TSHZ2: variants seen among roughly 807,000 people sequenced by gnomAD.
TSHZ2 encodes the protein teashirt zinc finger homeobox 2.
A neutral mutation model predicts 74.4 loss-of-function variants in TSHZ2; 21 were observed. The ratio of observed to expected loss-of-function variants is 0.28; its 90% CI spans 0.20 to 0.41. The LOEUF is 0.41. Among genes scored for constraint, TSHZ2 ranks in the 10% least tolerant of loss-of-function variants. The probability of loss-of-function intolerance (pLI) is 1.00; values close to 1 mark genes in which losing one functional copy is unlikely to be tolerated. For missense variants in TSHZ2, 1,244 were observed against 1,293.5 expected, an observed-to-expected ratio of 0.96 and a Z score of 0.59; for synonymous variants, 540 against 515.3, an observed-to-expected ratio of 1.05 and a Z score of -0.65.
At chr20:53,269,811 AAG>A (rs1990797179) in intron 2 of TSHZ2, among the ~76,000 whole-genome samples, 2 of 152,026 alleles carry the variant, frequency 1.3e-5, no homozygotes, top group African/African-American at 2.4e-5. Flanking sequence ...AAAAAAAGAA[AAG>A]AAAATCCATG....
chr20:53,075,644 A>C (rs1985342738), intron 1 of TSHZ2, among the ~76,000 whole-genome samples: 1 of 152,236 alleles, frequency 6.6e-6, no homozygotes, highest in African/African-American at 2.4e-5. Context: ...GTGAGAACTA[A>C]ACAAGGCAGA....
At chr20:53,385,322 G>T (rs1982005841) in intron 2 of TSHZ2, among the ~76,000 whole-genome samples, 1 of 151,908 alleles carries the variant, frequency 6.6e-6, no homozygotes, top group Admixed American at 6.6e-5. Flanking sequence ...CAGTTTCTCA[G>T]AATTGGAAAA....
chr20:53,106,740 C>A (rs1431635767), intron 1 of TSHZ2, among the ~76,000 whole-genome samples: 1 of 147,288 alleles, frequency 6.8e-6, no homozygotes, highest in Admixed American at 6.8e-5. Context: ...CTCTGTGGCC[C>A]AGGCTAGGGT....
chr20:52,975,175 A>G (rs1486596091), intron 1 of TSHZ2, among the ~76,000 whole-genome samples: 1 of 152,164 alleles, frequency 6.6e-6, no homozygotes, highest in Non-Finnish European at 1.5e-5. Context: ...TATTAGAGAT[A>G]ACGTCCTTAT....
intron 1 of TSHZ2, among the ~76,000 whole-genome samples, chr20:53,102,229 C>T (rs1173240401): frequency 6.6e-6 from 1 of 152,122 alleles, no homozygotes; most frequent in Non-Finnish European, 1.5e-5. Flanking sequence ...TTTCCCCCAA[C>T]CTGAGGCCTT....
intron 1 of TSHZ2, among the ~76,000 whole-genome samples, chr20:53,088,788 C>T (rs1013270636): frequency 7.9e-5 from 12 of 152,110 alleles, no homozygotes; most frequent in Admixed American, 3.9e-4. Context: ...TTGGCATTTC[C>T]GAGACCTGTG....
In TSHZ2 at chr20:53,146,228, A is replaced by G. The variant is rs545842169; in HGVS notation, c.41-107271A>G. Among the ~76,000 whole-genome samples, 228 of 152,188 alleles carry G rather than the reference A, an allele frequency of 1.5e-3. 1 individual carries two copies. Among genetic ancestry groups the G allele is most frequent in the Non-Finnish European group, 2.1e-3 (145 of 67,982 alleles). ...TCAAAGTGAACTCAAATCATCAGTG[A>G]ATGCAGTTGTGGGGCAGGGGGCGGA... is the stretch of plus-strand genomic sequence containing the variant. On this transcript the variant is annotated intron_variant, in intron 1 of 2. Transcript: ENST00000371497.
intron 2 of TSHZ2, among the ~76,000 whole-genome samples, chr20:53,332,021 C>T (rs1161681356): frequency 4.2e-4 from 64 of 152,104 alleles, no homozygotes; most frequent in Admixed American, 4.2e-3. Context: ...TCTGGGGTCC[C>T]ATTCACTGAA....
chr20:53,344,848 C>G (rs558512985), intron 2 of TSHZ2, among the ~76,000 whole-genome samples: 1 of 152,288 alleles, frequency 6.6e-6, no homozygotes, highest in African/African-American at 2.4e-5. Context: ...AATCCCACAA[C>G]TTAGTCATTT....
intron 2 of TSHZ2, among the ~76,000 whole-genome samples, chr20:53,348,619 G>A (rs1013599423): frequency 6.6e-6 from 1 of 152,130 alleles, no homozygotes; most frequent in Non-Finnish European, 1.5e-5. Flanking sequence ...GAGGCGGGGA[G>A]GATCGCTGTA....
chr20:53,434,777 C>T (rs1983982237), intron 2 of TSHZ2, among the ~76,000 whole-genome samples: 2 of 152,234 alleles, frequency 1.3e-5, no homozygotes, highest in Admixed American at 6.5e-5. Context: ...GGTCTGCTGA[C>T]AGTCCTGTGA....
In TSHZ2 at chr20:53,256,630, A is replaced by G. The variant is rs909881815; in HGVS notation, c.*8+59A>G. On this transcript the variant is annotated intron_variant, in intron 2 of 2. Transcript: ENST00000371497. This position sits in a 1 kb window ranked among gnomAD's most constrained non-coding sequence, Gnocchi z 4.3. ...TGGTGAGGAGCTTTCTTACAGGGAG[A>G]TGGGTCTGCTTAGAGGCAGCTAGCA... The G allele has an allele frequency of 9.9e-6, 15 of 1,514,002 alleles. No individual in the cohort carries two copies. The African/African-American group carries it at 1.9e-4, about 20-fold the overall frequency. 93.8% of individuals were successfully genotyped at this position (1,514,002 alleles called of 1,614,324 possible).
At chr20:53,010,270 A>T (rs1485193436) in intron 1 of TSHZ2, among the ~76,000 whole-genome samples, 2 of 152,146 alleles carry the variant, frequency 1.3e-5, no homozygotes, top group Non-Finnish European at 2.9e-5. Context: ...CACCCACCAC[A>T]TTGCATCACA....
At chr20:53,231,197 G>A (rs1196628855) in intron 1 of TSHZ2, among the ~76,000 whole-genome samples, 3 of 152,110 alleles carry the variant, frequency 2.0e-5, no homozygotes, top group Admixed American at 6.5e-5. Context: ...TAAAACAAGC[G>A]GAATAAACAG....
intron 2 of TSHZ2, among the ~76,000 whole-genome samples, chr20:53,483,414 C>T (rs1053011961): frequency 2.0e-5 from 3 of 151,968 alleles, no homozygotes; most frequent in African/African-American, 4.8e-5. Flanking sequence ...AGGAGGCTAA[C>T]GTGGGAGGAT....
At chr20:53,140,311 C>CTG (rs1987356863) in intron 1 of TSHZ2, among the ~76,000 whole-genome samples, 1 of 151,870 alleles carries the variant, frequency 6.6e-6, no homozygotes, top group Admixed American at 6.6e-5. Context: ...GAGGCTGAGG[C>CTG]GGGCAGATCA....
intron 2 of TSHZ2, among the ~76,000 whole-genome samples, chr20:53,353,239 A>G (rs77734415): frequency 0.021 from 3,167 of 152,292 alleles, 139 homozygotes; most frequent in African/African-American, 0.072. Context: ...GTGACTGCAT[A>G]GCAAACACCC....
intron 1 of TSHZ2, among the ~76,000 whole-genome samples, chr20:53,029,226 A>C (rs1295441678): frequency 1.3e-5 from 2 of 152,212 alleles, no homozygotes; most frequent in African/African-American, 4.8e-5. Flanking sequence ...GTTTTCCTCT[A>C]TAGCTTTACC....
intron 2 of TSHZ2, among the ~76,000 whole-genome samples, chr20:53,345,294 C>G (rs924075662): frequency 2.6e-5 from 4 of 151,972 alleles, no homozygotes; most frequent in Non-Finnish European, 5.9e-5. Context: ...AATTCTCTCA[C>G]AAGGCAGTCA....
Sources: allele counts gnomAD v4.1 joint callset (sites outside exome capture counted in the v4.1 genomes callset), GRCh38; gene constraint gnomAD v4.1.1; non-coding constraint Gnocchi (gnomAD v3.1); transcripts MANE v1.5; gene names NCBI Gene and HGNC (gene_info 2026-07-23, HGNC 2026-07-21).